Variants in ARHGEF9 observed in about 807,000 individuals in gnomAD.
ARHGEF9 encodes the protein rho guanine nucleotide exchange factor 9.
In ARHGEF9, 2 loss-of-function variants were observed where a neutral mutation model predicts 41.3. The ratio of observed to expected loss-of-function variants is 0.05; its 90% CI spans 0.02 to 0.15. The LOEUF is 0.15. ARHGEF9 is among the 10% of genes least tolerant of loss of function. The pLI is 1.00. For synonymous variants in ARHGEF9, 160 were observed against 154.4 expected, an observed-to-expected ratio of 1.04 and a Z score of -0.27; for missense variants, 225 against 424.7, an observed-to-expected ratio of 0.53 and a Z score of 4.13.
At position 63,635,889 on chromosome X, in the gene ARHGEF9, C is replaced by T. The variant is rs2047293614; in HGVS notation, c.*2139G>A. 1 of 135,875 alleles carries T rather than the reference C, an allele frequency of 7.4e-6. No individual in the cohort carries two copies. The highest frequency in any genetic ancestry group is 3.2e-5 in the African/African-American group (1 of 30,856). The allele number at this position is 135,875 out of a possible 1,213,427, so 11.2% of individuals were successfully genotyped here. Reference sequence around the variant, plus strand: ...ATAGCTACCAAAACACTCTGCCAGACAGGATATTTTAGCCTGGGTGCTGGG... The same window carrying T: ...ATAGCTACCAAAACACTCTGCCAGATAGGATATTTTAGCCTGGGTGCTGGG... On this transcript the variant is annotated 3_prime_UTR_variant, in exon 10 of 10. Transcript: ENST00000671741.
At chrX:63,645,299 A>G (rs2047954874) in intron 8 of ARHGEF9, among the ~76,000 whole-genome samples, 1 of 109,940 alleles carries the variant, frequency 9.1e-6, no homozygotes, top group African/African-American at 3.3e-5. Flanking sequence ...ACATATGTAT[A>G]CATGTGCCAT....
intron 4 of ARHGEF9, among the ~76,000 whole-genome samples, chrX:63,682,133 CAATAAATAAATAAATA>C (rs572010099): frequency 1.1e-4 from 11 of 101,537 alleles, no homozygotes; most frequent in South Asian, 4.4e-4. Flanking sequence ...TTAAACTCTT[CAATAAATAAATAAATA>C]AATAAATAAA....
intron 3 of ARHGEF9, among the ~76,000 whole-genome samples, chrX:63,702,037 G>A (rs782755810): frequency 1.8e-5 from 2 of 112,646 alleles, no homozygotes; most frequent in East Asian, 2.8e-4. Flanking sequence ...TGGCTAATAC[G>A]TTTGAAAACC....
rs1449616682 is a variant in ARHGEF9, at chrX:63,674,309, GA to G, written c.816-143del. On this transcript the variant is annotated intron_variant, in intron 5 of 9. Coordinates refer to ENST00000671741, the MANE Select transcript of ARHGEF9 (RefSeq NM_001353921.2). ...CAGATGGGAACCCACACCACCTAAA[GA>G]CTACATTTTCTATCTTTTGTTTCAG... 6.2e-6 allele frequency: 4 copies of G among 644,138 alleles called. No individual in the cohort carries two copies. In the Admixed American group the frequency reaches 8.5e-5, roughly 14 times the overall value. The allele number at this position is 644,138 out of a possible 1,213,427, so 53.1% of individuals were successfully genotyped here.
At position 63,683,613 on chromosome X, in the gene ARHGEF9, T is replaced by C. The variant is rs782694899; in HGVS notation, c.583-5041A>G. Among the ~76,000 whole-genome samples, 23 of 111,552 alleles carry C rather than the reference T, an allele frequency of 2.1e-4. 1 individual carries two copies. Among genetic ancestry groups the C allele is most frequent in the African/African-American group, 7.1e-4 (22 of 30,780 alleles). ...GATTTCAAACAATATTAGAAAACTATGGAAATCAAAACAGTATGGTACTAG... is the reference window on the plus strand; with the variant it reads ...GATTTCAAACAATATTAGAAAACTACGGAAATCAAAACAGTATGGTACTAG... On this transcript the variant is annotated intron_variant, in intron 4 of 9. Coordinates refer to ENST00000671741, the MANE Select transcript of ARHGEF9 (RefSeq NM_001353921.2).
chrX:63,661,809 G>A lies in ARHGEF9; in HGVS notation c.1077+4077C>T, dbSNP rs1556342037. On this transcript the variant is annotated intron_variant, in intron 7 of 9. Transcript: ENST00000671741. ...CTGAAACAAGCTACAAGCTGCATAA[G>A]TTGTTTAAGCTGTTCTGAGTGGATT... Among the ~76,000 whole-genome samples, 3 of 110,692 alleles carry A rather than the reference G, an allele frequency of 2.7e-5. No homozygotes were observed. The South Asian group carries it at 1.2e-3, about 42-fold the overall frequency.
At chrX:63,744,580 C>T (rs1556431313) in intron 1 of ARHGEF9, among the ~76,000 whole-genome samples, 1 of 112,239 alleles carries the variant, frequency 8.9e-6, no homozygotes, top group Non-Finnish European at 1.9e-5. Context: ...AGTCTTTGAA[C>T]ATTCTTTTTC....
intron 4 of ARHGEF9, among the ~76,000 whole-genome samples, chrX:63,682,409 G>A (rs1192438834): frequency 1.5e-4 from 16 of 109,891 alleles, no homozygotes; most frequent in Non-Finnish European, 7.6e-5. Flanking sequence ...CAGCTACTTG[G>A]GAGGCCGAGG....
intron 5 of ARHGEF9, among the ~76,000 whole-genome samples, chrX:63,677,559 G>A (rs782245245): frequency 9.0e-6 from 1 of 111,304 alleles, no homozygotes; most frequent in East Asian, 2.9e-4. Flanking sequence ...TGTCTATGTC[G>A]TGGGAGTTGT....
chrX:63,642,424 C>T (rs1239312245), intron 9 of ARHGEF9: 1 of 111,960 alleles, frequency 8.9e-6, no homozygotes, highest in Non-Finnish European at 1.9e-5. Context: ...TAATTCCCCA[C>T]CTTAAATTAA....
intron 1 of ARHGEF9, among the ~76,000 whole-genome samples, chrX:63,750,834 A>G (rs782194127): frequency 8.9e-6 from 1 of 111,762 alleles, no homozygotes; most frequent in Non-Finnish European, 1.9e-5. Flanking sequence ...GGACGAGGCT[A>G]GGCTCTACAT....
intron 7 of ARHGEF9, among the ~76,000 whole-genome samples, chrX:63,660,092 G>C (rs79037991): frequency 8.9e-6 from 1 of 111,948 alleles, no homozygotes; most frequent in Non-Finnish European, 1.9e-5. Flanking sequence ...ACATGCACGC[G>C]TATGTTCACT....
At chrX:63,669,472 C>A (rs1201700832) in intron 6 of ARHGEF9, among the ~76,000 whole-genome samples, 1 of 111,749 alleles carries the variant, frequency 8.9e-6, no homozygotes, top group Non-Finnish European at 1.9e-5. Context: ...TCCAGTGGCT[C>A]CCATCTCACT....
chrX:63,784,379 C>G (rs782641439), intron 1 of ARHGEF9, among the ~76,000 whole-genome samples: 1 of 112,657 alleles, frequency 8.9e-6, no homozygotes, highest in South Asian at 3.7e-4. Context: ...ATAAAATGAA[C>G]TGTTGGAGGA....
chrX:63,745,687 A>C (rs1183975645), intron 1 of ARHGEF9, among the ~76,000 whole-genome samples: 1 of 111,519 alleles, frequency 9.0e-6, no homozygotes, highest in Non-Finnish European at 1.9e-5. Flanking sequence ...AGTGTGTTGT[A>C]CTAGGCACTT....
Position 63,637,846 on chromosome X carries a change from C to G in ARHGEF9, c.*182G>C, listed in dbSNP as rs782785419. 2.4e-3 allele frequency: 759 copies of G among 310,342 alleles called. 2 individuals are homozygous for G. The highest frequency in any genetic ancestry group is 7.3e-3 in the Middle Eastern group (8 of 1,102). 25.6% of individuals were successfully genotyped at this position (310,342 alleles called of 1,213,427 possible). A position where few individuals can be genotyped will look rare whatever the true frequency, so the allele number is the denominator to read the frequency against. ...GAAAACACTTTTGTTCCTTATCTCTCTGTGTGTGTGTGTGTGTGTGTGTGT... is the reference window on the plus strand; with the variant it reads ...GAAAACACTTTTGTTCCTTATCTCTGTGTGTGTGTGTGTGTGTGTGTGTGT... On this transcript the variant is annotated 3_prime_UTR_variant, in exon 10 of 10. Coordinates refer to ENST00000671741, the MANE Select transcript of ARHGEF9 (RefSeq NM_001353921.2).
chrX:63,705,168 G>C (rs2052445618), intron 3 of ARHGEF9, among the ~76,000 whole-genome samples: 1 of 111,811 alleles, frequency 8.9e-6, no homozygotes, highest in African/African-American at 3.3e-5. Context: ...ATCATTGCAG[G>C]AAGTTCCATT....
chrX:63,738,847 A>G (rs782814444), intron 1 of ARHGEF9, among the ~76,000 whole-genome samples: 1 of 111,395 alleles, frequency 9.0e-6, no homozygotes, highest in South Asian at 3.8e-4. Context: ...ACTCCACTCA[A>G]TGTGTCACCC....
At chrX:63,784,127 C>G (rs782724746) in intron 1 of ARHGEF9, among the ~76,000 whole-genome samples, 1 of 112,168 alleles carries the variant, frequency 8.9e-6, no homozygotes, top group Non-Finnish European at 1.9e-5. Flanking sequence ...TGGGTGGCAG[C>G]GTAGAAGTGT....
Sources: gnomAD v4.1 joint callset for allele counts (sites outside exome capture counted in the v4.1 genomes callset) on GRCh38, gnomAD v4.1.1 for gene constraint, MANE v1.5 for transcripts, NCBI Gene and HGNC (gene_info 2026-07-23, HGNC 2026-07-21) for gene names.